The following CDH20 variants were observed in gnomAD, a reference collection of about 807,000 sequenced individuals.
The protein encoded by CDH20 is cadherin 20.
In CDH20, 29 loss-of-function variants were observed where a neutral mutation model predicts 74.2. The ratio of observed to expected loss-of-function variants is 0.39; its 90% CI spans 0.29 to 0.53. The LOEUF is 0.53. CDH20 is among the 20% of genes least tolerant of loss of function. The pLI, the probability that CDH20 is intolerant of heterozygous loss-of-function variation, is 0.69. For synonymous variants in CDH20, 469 were observed against 405.4 expected (o/e 1.16, Z -1.88); for missense variants, 988 against 1,048.3 (o/e 0.94, Z 0.79).
chr18:61,460,524 A>T (rs978907707), intron 1 of CDH20, among the ~76,000 whole-genome samples: 2 of 152,180 alleles, frequency 1.3e-5, no homozygotes, highest in African/African-American at 4.8e-5. Context: ...AACCACCACT[A>T]CAAAGGCTGT....
chr18:61,455,874 T>C (rs1329158824), intron 1 of CDH20, among the ~76,000 whole-genome samples: 1 of 152,258 alleles, frequency 6.6e-6, no homozygotes, highest in African/African-American at 2.4e-5. Flanking sequence ...CTTTCAATTT[T>C]ATGTCAAATT....
At chr18:61,431,359 G>T (rs1042577295) in intron 1 of CDH20, among the ~76,000 whole-genome samples, 4 of 152,120 alleles carry the variant, frequency 2.6e-5, no homozygotes, top group Non-Finnish European at 4.4e-5. Context: ...ACAGACAAAG[G>T]ATGTTAGGGA....
intron 1 of CDH20, among the ~76,000 whole-genome samples, chr18:61,390,559 A>T (rs894078879): frequency 2.6e-5 from 4 of 152,178 alleles, no homozygotes. Flanking sequence ...TGTGGATAAA[A>T]CTGCACTGCC....
intron 6 of CDH20, among the ~76,000 whole-genome samples, chr18:61,514,968 GC>G (rs1179075704): frequency 6.6e-6 from 1 of 151,626 alleles, no homozygotes; most frequent in East Asian, 2.0e-4. Flanking sequence ...TCTGTGCCCT[GC>G]CCCCAGAGGT....
chr18:61,431,484 T>C (rs10439059), intron 1 of CDH20, among the ~76,000 whole-genome samples: 3,245 of 152,246 alleles, frequency 0.021, 110 homozygotes, highest in African/African-American at 0.074. Flanking sequence ...AATAATAACA[T>C]ATTGATATTT....
chr18:61,394,985 T>C (rs191888233), intron 1 of CDH20, among the ~76,000 whole-genome samples: 10 of 152,182 alleles, frequency 6.6e-5, no homozygotes, highest in African/African-American at 2.4e-4. Flanking sequence ...AACCACTGTC[T>C]AGAATCTGCA....
At chr18:61,340,012 A>G (rs540923416) in intron 1 of CDH20, among the ~76,000 whole-genome samples, 2 of 152,142 alleles carry the variant, frequency 1.3e-5, no homozygotes, top group East Asian at 3.9e-4. Context: ...TTTCTTTGAC[A>G]TGTAGCCCCC....
Position 61,549,999 on chromosome 18 carries a change from C to A in CDH20, c.1670C>A (p.Thr557Asn). The A allele has an allele frequency of 1.2e-6, 2 of 1,614,132 alleles. No homozygotes were observed. The highest frequency in any genetic ancestry group is 1.7e-6 in the Non-Finnish European group (2 of 1,179,976). Residue 557 changes from threonine (T) to asparagine (N), a missense_variant, in exon 11 of 12, where the codon ACC becomes AAC. Transcript: ENST00000262717. ...DNQDNTARIL[T>N]RRSGFRQQEQ... ...TCAGATAACACAGCACGGATTCTAACCAGGAGGTCTGGTTTCCGGCAGCAG... is the reference window on the plus strand; with the variant it reads ...TCAGATAACACAGCACGGATTCTAAACAGGAGGTCTGGTTTCCGGCAGCAG...
chr18:61,460,482 T>C (rs1302975227), intron 1 of CDH20, among the ~76,000 whole-genome samples: 4 of 152,202 alleles, frequency 2.6e-5, no homozygotes, highest in Admixed American at 6.5e-5. Flanking sequence ...AGAAGCCTTA[T>C]GCAGGGCAGG....
chr18:61,434,190 C>T (rs1436572648), intron 1 of CDH20, among the ~76,000 whole-genome samples: 2 of 152,038 alleles, frequency 1.3e-5, no homozygotes, highest in Non-Finnish European at 2.9e-5. Context: ...TGAAAGGAGG[C>T]CTCATGACAT....
intron 1 of CDH20, among the ~76,000 whole-genome samples, chr18:61,388,896 G>A (rs1911683424): frequency 6.6e-6 from 1 of 152,128 alleles, no homozygotes; most frequent in African/African-American, 2.4e-5. Context: ...TCCCATCCGT[G>A]AAACAGACAT....
intron 1 of CDH20, among the ~76,000 whole-genome samples, chr18:61,341,488 A>T (rs879471022): frequency 6.6e-6 from 1 of 152,066 alleles, no homozygotes; most frequent in Non-Finnish European, 1.5e-5. Flanking sequence ...TGGGGGAGAC[A>T]CAAACACTCA....
intron 10 of CDH20, among the ~76,000 whole-genome samples, chr18:61,548,547 G>T (rs1913329011): frequency 6.6e-6 from 1 of 152,204 alleles, no homozygotes; most frequent in Non-Finnish European, 1.5e-5. Context: ...AGTGGAGGAA[G>T]AAAAGTTAAT....
chr18:61,485,243 CA>C (rs1217406182), intron 1 of CDH20, among the ~76,000 whole-genome samples: 3 of 152,174 alleles, frequency 2.0e-5, no homozygotes, highest in Non-Finnish European at 4.4e-5. Flanking sequence ...AATGTATTAA[CA>C]GCTTCTCTGA....
intron 1 of CDH20, among the ~76,000 whole-genome samples, chr18:61,471,306 G>A (rs2144380960): frequency 6.6e-6 from 1 of 152,224 alleles, no homozygotes; most frequent in African/African-American, 2.4e-5. Context: ...AGTGATAATT[G>A]TTCCACCTAC....
At chr18:61,550,818 T>C (rs1032016723) in intron 11 of CDH20, among the ~76,000 whole-genome samples, 1 of 152,160 alleles carries the variant, frequency 6.6e-6, no homozygotes, top group African/African-American at 2.4e-5. Context: ...GTTGGAAAAG[T>C]GACAGGGATA....
chr18:61,378,966 C>T (rs1368831865), intron 1 of CDH20, among the ~76,000 whole-genome samples: 1 of 151,302 alleles, frequency 6.6e-6, no homozygotes, highest in South Asian at 2.1e-4. Flanking sequence ...TAAATGGTGG[C>T]CTTTTTCTCC....
chr18:61,374,813 G>C (rs1021992345), intron 1 of CDH20, among the ~76,000 whole-genome samples: 11 of 152,046 alleles, frequency 7.2e-5, no homozygotes, highest in African/African-American at 2.7e-4. Context: ...CACAGTCTTA[G>C]AGCATTTTGT....
At chr18:61,512,219 T>A (rs910312508) in intron 6 of CDH20, among the ~76,000 whole-genome samples, 1 of 152,190 alleles carries the variant, frequency 6.6e-6, no homozygotes, top group African/African-American at 2.4e-5. Context: ...AATCAATCAG[T>A]CGATTTTCAG....
Sources: allele counts gnomAD v4.1 joint callset (sites outside exome capture counted in the v4.1 genomes callset), GRCh38; gene constraint gnomAD v4.1.1; transcripts MANE v1.5; gene names NCBI Gene and HGNC (gene_info 2026-07-23, HGNC 2026-07-21).